The following IQCF1 variants were observed in gnomAD, a reference collection of about 807,000 sequenced individuals.
IQCF1 encodes the protein IQ domain-containing protein F1.
In IQCF1, 9 loss-of-function variants were observed where a neutral mutation model predicts 12.5. The observed-to-expected ratio is 0.72, with a 90% CI of 0.43 to 1.26. The LOEUF (loss-of-function observed/expected upper bound fraction) is 1.26, where lower values mean the gene tolerates loss of function less well. Ranked by LOEUF, IQCF1 falls within the 50% of genes most tolerant of loss-of-function variation. IQCF1 has a pLI of 0.00. For missense variants in IQCF1, 252 were observed against 257.4 expected, an observed-to-expected ratio of 0.98 and a Z score of 0.14; for synonymous variants, 67 against 96.2, an observed-to-expected ratio of 0.70 and a Z score of 1.78.
rs1055032365 is a variant in IQCF1, at chr3:51,900,760, G to A, written c.108+2225C>T. On this transcript the variant is annotated intron_variant, in intron 2 of 3. Coordinates refer to ENST00000310914, the MANE Select transcript of IQCF1 (RefSeq NM_152397.3). The surrounding 1 kb of genome is among the most constrained non-coding windows in gnomAD (Gnocchi z 4.2). ...TCATCTTACTAGAGGGACAGCCCCC[G>A]CCTCCCACTAACTGTCAGCTAAACC... Among the ~76,000 whole-genome samples, 2 of 152,118 alleles carry A rather than the reference G, an allele frequency of 1.3e-5. No homozygotes were observed. The highest frequency in any genetic ancestry group is 2.9e-5 in the Non-Finnish European group (2 of 68,038).
In IQCF1 at chr3:51,895,824, A is replaced by G. The variant is rs1382415194; in HGVS notation, c.172-488T>C. On this transcript the variant is annotated intron_variant, in intron 3 of 3. Coordinates refer to ENST00000310914, the MANE Select transcript of IQCF1 (RefSeq NM_152397.3). The surrounding 1 kb of genome is among the most constrained non-coding windows in gnomAD (Gnocchi z 4.8). ...TGAAGACTAAACCCTGATTTTTTCT[A>G]TGTTGCCCAAATTCCTATCTAAGGG... Among the ~76,000 whole-genome samples, 3 of 152,076 alleles carry G rather than the reference A, an allele frequency of 2.0e-5. No homozygotes were observed. The highest frequency in any genetic ancestry group is 4.8e-5 in the African/African-American group (2 of 41,406).
chr3:51,895,395 G>T lies in IQCF1; in HGVS notation c.172-59C>A. ...GCTCCCCACTGGCTTCAGCTCTGGG[G>T]TGTGCCAGGAAAGGCCCTGATTCCC... On this transcript the variant is annotated intron_variant, in intron 3 of 3. Transcript: ENST00000310914. This position sits in a 1 kb window ranked among gnomAD's most constrained non-coding sequence, Gnocchi z 4.8. The T allele has an allele frequency of 6.8e-7, 1 of 1,471,200 alleles. No individual in the cohort carries two copies. 91.1% of individuals were successfully genotyped at this position (1,471,200 alleles called of 1,614,324 possible).
Position 51,895,092 on chromosome 3 carries a change from C to A in IQCF1, c.416G>T (p.Arg139Leu). The A allele has an allele frequency of 1.2e-6, 2 of 1,614,238 alleles. No individual in the cohort carries two copies. Among genetic ancestry groups the A allele is most frequent in the Non-Finnish European group, 1.7e-6 (2 of 1,180,042 alleles). ...VTLQSQARMWRIRRRYCQVLN... is the reference protein window; with the variant it reads ...VTLQSQARMWLIRRRYCQVLN... ...CACCTGGCAATAGCGTCTGCGGATG[C>A]GCCACATGCGGGCCTGGGACTGCAG... The change falls in exon 4 of 4, where the codon CGC becomes CTC. Residue 139 changes from arginine to leucine, a missense_variant. Arg to Leu is a moderately radical substitution (Grantham distance 102, BLOSUM62 -2). Coordinates refer to ENST00000310914, the MANE Select transcript of IQCF1 (RefSeq NM_152397.3). This position sits in a 1 kb window ranked among gnomAD's most constrained non-coding sequence, Gnocchi z 4.8.
At position 51,900,573 on chromosome 3, in the gene IQCF1, A is replaced by G. The variant is rs938257129; in HGVS notation, c.108+2412T>C. On this transcript the variant is annotated intron_variant, in intron 2 of 3. Transcript: ENST00000310914. The surrounding 1 kb of genome is among the most constrained non-coding windows in gnomAD (Gnocchi z 4.2). ...GACTGGGTATTAGTGAATTGGGACC[A>G]TTTAATCCTGGGAGATTTTGATAAA... Among the ~76,000 whole-genome samples, 1 of 152,176 alleles carries G rather than the reference A, an allele frequency of 6.6e-6. No homozygotes were observed. Among genetic ancestry groups the G allele is most frequent in the African/African-American group, 2.4e-5 (1 of 41,428 alleles).
rs575807425 is a variant in IQCF1, at chr3:51,902,897, C to T, written c.108+88G>A. The T allele has an allele frequency of 1.4e-5, 14 of 1,032,304 alleles. 2 individuals carry two copies. The South Asian group carries it at 1.7e-4, about 12-fold the overall frequency. 63.9% of individuals were successfully genotyped at this position (1,032,304 alleles called of 1,614,324 possible). A position where few individuals can be genotyped will look rare whatever the true frequency, so the allele number is the denominator to read the frequency against. On this transcript the variant is annotated intron_variant, in intron 2 of 3. Transcript: ENST00000310914. Reference sequence around the variant, plus strand: ...TGCTATTTCTTTTGCGGCACAGAAACTTCACTTATAACAGCACCATGCAAA... The same window carrying T: ...TGCTATTTCTTTTGCGGCACAGAAATTTCACTTATAACAGCACCATGCAAA...
At position 51,894,899 on chromosome 3, in the gene IQCF1, T is replaced by C; in HGVS notation, c.609A>G (p.Ile203Met). Residue 203 changes from isoleucine to methionine, a missense_variant, in exon 4 of 4, where the codon ATA becomes ATG. Ile to Met is a conservative substitution (Grantham distance 10). Transcript: ENST00000310914. ...TCTGGAAAAGACCACTTCATTCCTT[T>C]ATTGAGAAGGGAATACACTCTGTCA... Reference protein sequence around the residue: ...CIVTECIPFSIKE With the variant: ...CIVTECIPFSMKE The C allele has an allele frequency of 6.2e-7, 1 of 1,613,332 alleles. No individual in the cohort carries two copies. Among genetic ancestry groups the C allele is most frequent in the Non-Finnish European group, 8.5e-7 (1 of 1,179,502 alleles).
intron 2 of IQCF1, 50 bp from the exon 3 acceptor site, chr3:51,896,944 CTCT>C: frequency 7.1e-7 from 1 of 1,402,324 alleles, no homozygotes; most frequent in South Asian, 1.2e-5. Flanking sequence ...TTGTTTATTT[CTCT>C]TCTTAGCCCA....
intron 2 of IQCF1, among the ~76,000 whole-genome samples, chr3:51,898,679 G>A (rs1292118663): frequency 6.6e-6 from 1 of 151,320 alleles, no homozygotes; most frequent in Non-Finnish European, 1.5e-5. Flanking sequence ...AGGCTATTCT[G>A]TTAGAAAAAG....
rs1698991883 is a variant in IQCF1 at position 51,895,392 on chromosome 3, G to A, written c.172-56C>T. 1 of 1,483,694 alleles carries A rather than the reference G, an allele frequency of 6.7e-7. No homozygotes were observed. Among genetic ancestry groups the A allele is most frequent in the South Asian group, 1.3e-5 (1 of 76,700 alleles). The allele number at this position is 1,483,694 out of a possible 1,614,324, so 91.9% of individuals were successfully genotyped here. A position where few individuals can be genotyped will look rare whatever the true frequency, so the allele number is the denominator to read the frequency against. On this transcript the variant is annotated intron_variant, in intron 3 of 3. Coordinates refer to ENST00000310914, the MANE Select transcript of IQCF1 (RefSeq NM_152397.3). The surrounding 1 kb of genome is among the most constrained non-coding windows in gnomAD (Gnocchi z 4.8). ...AATGCTCCCCACTGGCTTCAGCTCT[G>A]GGGTGTGCCAGGAAAGGCCCTGATT...
rs994531717 is a variant in IQCF1, at chr3:51,900,602, C to T, written c.108+2383G>A. On this transcript the variant is annotated intron_variant, in intron 2 of 3. Transcript: ENST00000310914. This position sits in a 1 kb window ranked among gnomAD's most constrained non-coding sequence, Gnocchi z 4.2. ...AATCCTGGGAGATTTTGATAAAGAC[C>T]CCAGTGTCAACCAGGAGTCTTGCCC... Among the ~76,000 whole-genome samples the T allele has an allele frequency of 3.3e-5, 5 of 152,076 alleles. No individual in the cohort carries two copies. The highest frequency in any genetic ancestry group is 5.9e-5 in the Non-Finnish European group (4 of 68,016).
intron 2 of IQCF1, 69 bp from the exon 3 acceptor site, chr3:51,896,963 G>T: frequency 1.7e-6 from 2 of 1,187,284 alleles, no homozygotes; most frequent in Non-Finnish European, 2.5e-6. Flanking sequence ...GCCCAGCACT[G>T]TTAGATATGA....
Position 51,895,486 on chromosome 3 carries a change from G to C in IQCF1, c.172-150C>G. 1.5e-6 allele frequency: 1 copy of C among 688,440 alleles called. No homozygotes were observed. The highest frequency in any genetic ancestry group is 2.4e-6 in the Non-Finnish European group (1 of 417,290). The allele number at this position is 688,440 out of a possible 1,614,324, so 42.6% of individuals were successfully genotyped here. A position where few individuals can be genotyped will look rare whatever the true frequency, so the allele number is the denominator to read the frequency against. The stretch of plus-strand genomic sequence containing the variant: ...GGCAGGGCACTGGCTGGAACCAGAA[G>C]ATCAGGTAGATGTCCTGCCTCTGCC... On this transcript the variant is annotated intron_variant, in intron 3 of 3. Coordinates refer to ENST00000310914, the MANE Select transcript of IQCF1 (RefSeq NM_152397.3). This position sits in a 1 kb window ranked among gnomAD's most constrained non-coding sequence, Gnocchi z 4.8.
Position 51,902,775 on chromosome 3 carries a change from C to G in IQCF1, c.108+210G>C, listed in dbSNP as rs766103330. 9 of 558,016 alleles carry G rather than the reference C, an allele frequency of 1.6e-5. No homozygotes were observed. In the African/African-American group the frequency reaches 1.7e-4, roughly 11 times the overall value. The allele number at this position is 558,016 out of a possible 1,614,324, so 34.6% of individuals were successfully genotyped here. ...TAAGAACCCCTTCCCCTCCCTTGTC[C>G]AAGTGTGCACTCACCATTGCTCCAT... On this transcript the variant is annotated intron_variant, in intron 2 of 3. Transcript: ENST00000310914.
chr3:51,895,358 C>A lies in IQCF1; in HGVS notation c.172-22G>T, dbSNP rs772343124. 3 of 1,591,490 alleles carry A rather than the reference C, an allele frequency of 1.9e-6. No homozygotes were observed. In the African/African-American group the frequency reaches 4.0e-5, roughly 21 times the overall value. On this transcript the variant is annotated intron_variant, in intron 3 of 3. Coordinates refer to ENST00000310914, the MANE Select transcript of IQCF1 (RefSeq NM_152397.3). The surrounding 1 kb of genome is among the most constrained non-coding windows in gnomAD (Gnocchi z 4.8). Reference sequence around the variant, plus strand: ...GGGGCTTTCAAGAAAAAAAGAGGGACCTTCAGAGAATGCTCCCCACTGGCT... The same window carrying A: ...GGGGCTTTCAAGAAAAAAAGAGGGAACTTCAGAGAATGCTCCCCACTGGCT...
chr3:51,895,712 T>C lies in IQCF1; in HGVS notation c.172-376A>G, dbSNP rs1698995375. Among the ~76,000 whole-genome samples, 1 of 152,220 alleles carries C rather than the reference T, an allele frequency of 6.6e-6. No homozygotes were observed. The highest frequency in any genetic ancestry group is 2.4e-5 in the African/African-American group (1 of 41,464). On this transcript the variant is annotated intron_variant, in intron 3 of 3. Coordinates refer to ENST00000310914, the MANE Select transcript of IQCF1 (RefSeq NM_152397.3). The surrounding 1 kb of genome is among the most constrained non-coding windows in gnomAD (Gnocchi z 4.8). ...TTTCTTTCAGACCCCTTCCACCTAC[T>C]GGAGAAGTCACATCCTTTGCCGGCC...
At chr3:51,899,714 A>G in intron 2 of IQCF1, among the ~76,000 whole-genome samples, 1 of 152,376 alleles carries the variant, frequency 6.6e-6, no homozygotes, top group Middle Eastern at 3.4e-3. Flanking sequence ...CTCTTTAACA[A>G]AAATTATAAA....
At chr3:51,902,709 T>C (rs1432831084) in intron 2 of IQCF1, 2 of 400,282 alleles carry the variant, frequency 5.0e-6, no homozygotes, top group African/African-American at 4.1e-5. Flanking sequence ...CCCTAGCCAA[T>C]AGGGGAATGA....
chr3:51,902,824 GA>G, intron 2 of IQCF1, 160 bp downstream of exon 2: 1 of 724,034 alleles, frequency 1.4e-6, no homozygotes, highest in South Asian at 1.4e-5. Flanking sequence ...CCCTTCTATA[GA>G]AGTACCTTGC....
Position 51,895,721 on chromosome 3 carries a change from C to T in IQCF1, c.172-385G>A, listed in dbSNP as rs1430670466. 6.6e-6 allele frequency among the ~76,000 whole-genome samples: 1 copy of T among 152,206 alleles called. No individual in the cohort carries two copies. The highest frequency in any genetic ancestry group is 1.9e-4 in the East Asian group (1 of 5,192). On this transcript the variant is annotated intron_variant, in intron 3 of 3. Coordinates refer to ENST00000310914, the MANE Select transcript of IQCF1 (RefSeq NM_152397.3). The surrounding 1 kb of genome is among the most constrained non-coding windows in gnomAD (Gnocchi z 4.8). ...GACCCCTTCCACCTACTGGAGAAGT[C>T]ACATCCTTTGCCGGCCCTGCCTTCT...
Sources: allele counts gnomAD v4.1 joint callset (sites outside exome capture counted in the v4.1 genomes callset), GRCh38; gene constraint gnomAD v4.1.1; non-coding constraint Gnocchi (gnomAD v3.1); transcripts MANE v1.5; gene names NCBI Gene and HGNC (gene_info 2026-07-23, HGNC 2026-07-21).